Variants in GDPD5 observed in about 807,000 individuals in gnomAD.
The protein encoded by GDPD5 is glycerophosphodiester phosphodiesterase 2.
In GDPD5, 48 loss-of-function variants were observed where a neutral mutation model predicts 75.1. That is an observed-to-expected ratio of 0.64 (90% CI 0.51 to 0.81). The LOEUF is 0.81. GDPD5 is among the 40% of genes least tolerant of loss of function. GDPD5 has a pLI of 0.00. For synonymous variants in GDPD5, 336 were observed against 339.0 expected, an observed-to-expected ratio of 0.99 and a Z score of 0.10; for missense variants, 706 against 822.6, an observed-to-expected ratio of 0.86 and a Z score of 1.73.
chr11:75,512,826 A>C (rs1238605028), intron 1 of GDPD5, among the ~76,000 whole-genome samples: 2 of 152,128 alleles, frequency 1.3e-5, no homozygotes, highest in African/African-American at 4.8e-5. Flanking sequence ...GAGGCAGGAG[A>C]ATCACTTGAA....
chr11:75,498,471 C>A (rs1326552312), intron 1 of GDPD5, among the ~76,000 whole-genome samples: 2 of 143,454 alleles, frequency 1.4e-5, no homozygotes, highest in Admixed American at 6.9e-5. Flanking sequence ...TGGCCTTGAA[C>A]TAACCTCTGC....
intron 3 of GDPD5, among the ~76,000 whole-genome samples, chr11:75,470,801 A>G (rs1340842215): frequency 6.6e-6 from 1 of 152,204 alleles, no homozygotes; most frequent in East Asian, 1.9e-4. Flanking sequence ...AGCTGTCCCT[A>G]CATCATTTGT....
At chr11:75,464,020 T>C (rs951590657) in intron 3 of GDPD5, among the ~76,000 whole-genome samples, 2 of 152,212 alleles carry the variant, frequency 1.3e-5, no homozygotes, top group Non-Finnish European at 2.9e-5. Flanking sequence ...CTGCACACCA[T>C]GACCTGCTCA....
rs752772755 is a variant in GDPD5, at chr11:75,441,174, G to A, written c.1462C>T (p.Leu488Phe). ...GCCCCCCAACTCACCATGATCCAGA[G>A]GGGGGAAGGCACCTGGGACAGGGCG... ...SHALSQVPSP[L>F]WIMPPDEYCL... Residue 488 changes from leucine to phenylalanine, a missense_variant, in exon 14 of 17, where the codon CTC (leucine) becomes TTC (phenylalanine). Leu to Phe is a conservative substitution (Grantham distance 22). Coordinates refer to ENST00000336898, the MANE Select transcript of GDPD5 (RefSeq NM_030792.8). The A allele has an allele frequency of 6.2e-7, 1 of 1,613,648 alleles. No individual in the cohort carries two copies. Among genetic ancestry groups the A allele is most frequent in the Non-Finnish European group, 8.5e-7 (1 of 1,179,816 alleles).
At chr11:75,514,767 T>C (rs924300195) in intron 1 of GDPD5, among the ~76,000 whole-genome samples, 25 of 152,190 alleles carry the variant, frequency 1.6e-4, no homozygotes, top group African/African-American at 6.0e-4. Flanking sequence ...CAGAGTGGAC[T>C]TCAATTAGTC....
chr11:75,498,142 T>C (rs942029573), intron 1 of GDPD5, among the ~76,000 whole-genome samples: 1 of 151,976 alleles, frequency 6.6e-6, no homozygotes, highest in Admixed American at 6.6e-5. Flanking sequence ...GGCCAGATCA[T>C]GGGTAACATC....
intron 9 of GDPD5, 27 bp downstream of exon 9, chr11:75,448,950 C>A: frequency 6.5e-7 from 1 of 1,536,602 alleles, no homozygotes. Flanking sequence ...CCCAACGGGG[C>A]TGTTAGGACC....
chr11:75,463,785 G>A (rs2135302532), intron 3 of GDPD5, among the ~76,000 whole-genome samples: 1 of 152,266 alleles, frequency 6.6e-6, no homozygotes, highest in East Asian at 1.9e-4. Flanking sequence ...TGATAGCCAA[G>A]CAGGAGTGTG....
chr11:75,473,403 C>T (rs1466358644), intron 3 of GDPD5, among the ~76,000 whole-genome samples: 1 of 152,020 alleles, frequency 6.6e-6, no homozygotes, highest in African/African-American at 2.4e-5. Flanking sequence ...GGATGGGATT[C>T]ACTGTCAGAC....
At position 75,462,861 on chromosome 11, in the gene GDPD5, G is replaced by A. The variant is rs755475654; in HGVS notation, c.146C>T (p.Thr49Ile). The A allele has an allele frequency of 2.5e-6, 4 of 1,614,092 alleles. No individual in the cohort carries two copies. Among genetic ancestry groups the A allele is most frequent in the East Asian group, 2.2e-5 (1 of 44,886 alleles). ...GGTGAGCGTGAGGCCAAAGGTGAAG[G>A]TGAGGAGCAGGAACCAGAGGCGCTC... ...PWERLWFLLLTFTFGLTLTWL... is the reference protein window; with the variant it reads ...PWERLWFLLLIFTFGLTLTWL... The change falls in exon 4 of 17, where the codon ACC becomes ATC. Residue 49 changes from threonine to isoleucine, a missense_variant. By Grantham distance (89) the Thr-to-Ile change is moderately conservative (BLOSUM62 -1). Transcript: ENST00000336898.
At chr11:75,487,350 G>A (rs950139792) in intron 2 of GDPD5, among the ~76,000 whole-genome samples, 1 of 152,218 alleles carries the variant, frequency 6.6e-6, no homozygotes, top group Non-Finnish European at 1.5e-5. Context: ...CTAGGGGCAG[G>A]AAGGAATTCT....
intron 12 of GDPD5, 54 bp downstream of exon 12, chr11:75,442,309 G>C: frequency 1.5e-6 from 2 of 1,351,504 alleles, no homozygotes; most frequent in South Asian, 1.3e-5. Flanking sequence ...TGCAGCAGCA[G>C]GGCTCTAGCC....
intron 1 of GDPD5, among the ~76,000 whole-genome samples, chr11:75,507,571 T>A (rs1288964643): frequency 2.6e-5 from 4 of 152,076 alleles, no homozygotes; most frequent in Non-Finnish European, 5.9e-5. Context: ...CAGACCGGGG[T>A]TCTTAAGGCA....
At chr11:75,503,921 C>A (rs369906854) in intron 1 of GDPD5, among the ~76,000 whole-genome samples, 75 of 152,320 alleles carry the variant, frequency 4.9e-4, no homozygotes, top group African/African-American at 1.7e-3. Context: ...AGACATAGGC[C>A]CCTGGGGAGC....
chr11:75,439,509 A>G (rs1383750933), intron 15 of GDPD5, among the ~76,000 whole-genome samples: 1 of 150,422 alleles, frequency 6.6e-6, no homozygotes, highest in African/African-American at 2.5e-5. Flanking sequence ...GGCTGGCCCT[A>G]GACCCTCCCT....
chr11:75,497,611 G>A (rs573470065), intron 1 of GDPD5, among the ~76,000 whole-genome samples: 3 of 152,318 alleles, frequency 2.0e-5, no homozygotes, highest in African/African-American at 7.2e-5. Flanking sequence ...CCTGGTGAAA[G>A]TAAAACTGTA....
At chr11:75,461,231 G>A (rs1949406050) in intron 4 of GDPD5, among the ~76,000 whole-genome samples, 1 of 152,044 alleles carries the variant, frequency 6.6e-6, no homozygotes, top group South Asian at 2.1e-4. Context: ...GAACTGTCTG[G>A]GTCTGCAGTT....
chr11:75,488,914 C>T (rs569971238), intron 2 of GDPD5, among the ~76,000 whole-genome samples: 3 of 152,316 alleles, frequency 2.0e-5, no homozygotes, highest in South Asian at 4.1e-4. Context: ...CAGCCCCACA[C>T]CTGGTGATGG....
chr11:75,476,947 G>A (rs1949792599), intron 3 of GDPD5, among the ~76,000 whole-genome samples: 2 of 150,732 alleles, frequency 1.3e-5, no homozygotes, highest in Admixed American at 1.3e-4. Flanking sequence ...GCTGAATTTA[G>A]AGGCTGGCTT....
Sources: gnomAD v4.1 joint callset for allele counts (sites outside exome capture counted in the v4.1 genomes callset) on GRCh38, gnomAD v4.1.1 for gene constraint, MANE v1.5 for transcripts, NCBI Gene and HGNC (gene_info 2026-07-23, HGNC 2026-07-21) for gene names.